PCM1: variants seen among roughly 807,000 people sequenced by gnomAD.
The protein encoded by PCM1 is pericentriolar material 1, also known as pericentriolar material 1 protein.
A neutral mutation model predicts 241.9 loss-of-function variants in PCM1; 157 were observed. That is an observed-to-expected ratio of 0.65 (90% CI 0.57 to 0.74). The LOEUF (loss-of-function observed/expected upper bound fraction) is 0.74. Among genes scored for constraint, PCM1 ranks in the 30% least tolerant of loss-of-function variants. The probability of loss-of-function intolerance (pLI) is 0.00; values close to 1 mark genes in which losing one functional copy is unlikely to be tolerated. For missense variants in PCM1, 3,478 were observed against 2,360.1 expected (o/e 1.47, Z -9.81); for synonymous variants, 1,085 against 784.9 (o/e 1.38, Z -6.39).
Position 18,029,524 on chromosome 8 carries a change from A to AAAT in PCM1, c.*1863_*1865dup, listed in dbSNP as rs2094410556. The AAAT allele has an allele frequency of 4.7e-6, 1 of 212,758 alleles. No individual in the cohort carries two copies. The highest frequency in any genetic ancestry group is 9.5e-6 in the Non-Finnish European group (1 of 104,980). The allele number at this position is 212,758 out of a possible 1,614,324, so 13.2% of individuals were successfully genotyped here. On this transcript the variant is annotated 3_prime_UTR_variant, in exon 39 of 39. Coordinates refer to ENST00000325083, the MANE Select transcript of PCM1 (RefSeq NM_006197.4). ...TGTCTGCATGCATATTAAAGTGGAA[A>AAAT]AATTGTATTTATATCTTAGTTATTA...
At position 18,014,454 on chromosome 8, in the gene PCM1, T is replaced by C. The variant is rs531682906; in HGVS notation, c.5585-130T>C. 85 of 645,322 alleles carry C rather than the reference T, an allele frequency of 1.3e-4. 1 individual carries two copies. In the South Asian group the frequency reaches 3.8e-3, roughly 29 times the overall value. 40.0% of individuals were successfully genotyped at this position (645,322 alleles called of 1,614,324 possible). A position where few individuals can be genotyped will look rare whatever the true frequency, so the allele number is the denominator to read the frequency against. On this transcript the variant is annotated intron_variant, in intron 35 of 38. Transcript: ENST00000325083. ...GGGAACCATTGATAAGGAAAATTTGTAGTTGCCTTTTCTTTTTGGTCTTAA... is the reference window on the plus strand; with the variant it reads ...GGGAACCATTGATAAGGAAAATTTGCAGTTGCCTTTTCTTTTTGGTCTTAA...
At chr8:18,012,948 C>G (rs1016296840) in intron 34 of PCM1, among the ~76,000 whole-genome samples, 1 of 152,054 alleles carries the variant, frequency 6.6e-6, no homozygotes, top group African/African-American at 2.4e-5. Context: ...GAAGCATTAC[C>G]TTCCGTTTTC....
intron 29 of PCM1, among the ~76,000 whole-genome samples, chr8:17,998,524 T>G (rs963967336): frequency 1.8e-4 from 27 of 152,326 alleles, no homozygotes; most frequent in African/African-American, 5.8e-4. Context: ...ATGGAATCTC[T>G]GTGTTGAAAT....
At chr8:17,996,712 T>C (rs969659820) in intron 29 of PCM1, among the ~76,000 whole-genome samples, 1 of 152,214 alleles carries the variant, frequency 6.6e-6, no homozygotes, top group Non-Finnish European at 1.5e-5. Flanking sequence ...CAGGTTACCA[T>C]GAGGATTGCA....
intron 21 of PCM1, 132 bp from the exon 22 acceptor site, chr8:17,969,443 CTT>C: frequency 6.6e-6 from 4 of 606,004 alleles, no homozygotes; most frequent in Non-Finnish European, 5.4e-6. Context: ...TAAATATTAG[CTT>C]TTTTTTTTAA....
chr8:18,024,927 A>G (rs1234839843), intron 36 of PCM1: 1 of 153,044 alleles, frequency 6.5e-6, no homozygotes, highest in Non-Finnish European at 1.5e-5. Flanking sequence ...GTTTAAGGTG[A>G]TCACAAAAGA....
chr8:18,005,489 C>G (rs756057475), intron 29 of PCM1, among the ~76,000 whole-genome samples: 10 of 151,438 alleles, frequency 6.6e-5, no homozygotes, highest in Non-Finnish European at 1.3e-4. Context: ...GGGGACTGAA[C>G]TGAGAAAAGG....
intron 5 of PCM1, 64 bp downstream of exon 5, chr8:17,939,073 T>G (rs549050672): frequency 1.3e-6 from 2 of 1,542,862 alleles, no homozygotes; most frequent in African/African-American, 1.4e-5. Context: ...CAGTAAGGTT[T>G]AGAAAATTAG....
intron 6 of PCM1, among the ~76,000 whole-genome samples, chr8:17,941,094 A>T (rs1313509471): frequency 6.6e-6 from 1 of 152,154 alleles, no homozygotes; most frequent in East Asian, 1.9e-4. Context: ...CATTATTTTC[A>T]ACAGGAGATA....
rs60355433 is a variant in PCM1 at position 17,974,857 on chromosome 8, GCACACACA to G, written c.3943+2199_3943+2206del. ...CTGTCAGTGAGTGCCCCACTTTAAG[GCACACACA>G]CACACACACACACACACACACACAC... On this transcript the variant is annotated intron_variant, in intron 23 of 38. Coordinates refer to ENST00000325083, the MANE Select transcript of PCM1 (RefSeq NM_006197.4). 1.2e-3 allele frequency among the ~76,000 whole-genome samples: 166 copies of G among 133,380 alleles called. 1 individual carries two copies. The highest frequency in any genetic ancestry group is 7.6e-3 in the South Asian group (28 of 3,702). The allele number at this position is 133,380 out of a possible 152,430, so 87.5% of individuals were successfully genotyped here. A position where few individuals can be genotyped will look rare whatever the true frequency, so the allele number is the denominator to read the frequency against.
chr8:18,014,492 C>G lies in PCM1; in HGVS notation c.5585-92C>G, dbSNP rs556729711. ...TTTTTGGTCTTAAATATCTTGATTG[C>G]TCTTATTCAGGCGTATTGTCTTTAT... On this transcript the variant is annotated intron_variant, in intron 35 of 38. Transcript: ENST00000325083. 2.3e-5 allele frequency: 23 copies of G among 982,404 alleles called. No homozygotes were observed. In the African/African-American group the frequency reaches 3.4e-4, roughly 15 times the overall value. 60.9% of individuals were successfully genotyped at this position (982,404 alleles called of 1,614,324 possible). A position where few individuals can be genotyped will look rare whatever the true frequency, so the allele number is the denominator to read the frequency against.
chr8:17,956,850 T>A, intron 11 of PCM1, 73 bp downstream of exon 11: 1 of 1,181,404 alleles, frequency 8.5e-7, no homozygotes, highest in Non-Finnish European at 1.2e-6. Flanking sequence ...GGAACAAAAA[T>A]ACTTCGTTGT....
chr8:17,996,308 C>A (rs1380831886), intron 29 of PCM1, among the ~76,000 whole-genome samples: 1 of 152,046 alleles, frequency 6.6e-6, no homozygotes, highest in Non-Finnish European at 1.5e-5. Context: ...GGGTTTTGTC[C>A]TTCATTCTGT....
Position 18,014,653 on chromosome 8 carries a change from G to T in PCM1, c.5654G>T (p.Ser1885Ile). Reference protein sequence around the residue: ...NILEDEQPLNSAAHKESPPTV... With the variant: ...NILEDEQPLNIAAHKESPPTV... Reference sequence around the variant, plus strand: ...TTGGAAGATGAGCAACCTTTAAATAGTGCTGCCCATAAGGAGTCACCTCCT... The same window carrying T: ...TTGGAAGATGAGCAACCTTTAAATATTGCTGCCCATAAGGAGTCACCTCCT... Residue 1885 changes from serine (S) to isoleucine (I), a missense_variant, in exon 36 of 39, where the codon AGT (serine) becomes ATT (isoleucine). Physicochemically the swap from Ser to Ile is moderately radical, Grantham distance 142. Transcript: ENST00000325083. The T allele has an allele frequency of 6.2e-7, 1 of 1,613,510 alleles. No homozygotes were observed. Among genetic ancestry groups the T allele is most frequent in the South Asian group, 1.1e-5 (1 of 91,052 alleles).
intron 9 of PCM1, among the ~76,000 whole-genome samples, chr8:17,954,425 C>A (rs1035163547): frequency 7.9e-6 from 1 of 126,432 alleles, no homozygotes; most frequent in African/African-American, 3.3e-5. Context: ...GAAACTCCAT[C>A]TCAAAAAAAA....
intron 2 of PCM1, chr8:17,926,284 A>T (rs900191861): frequency 6.6e-6 from 1 of 152,104 alleles, no homozygotes; most frequent in Non-Finnish European, 1.5e-5. Context: ...TTTTTTTCTG[A>T]AGGAGGAAAG....
chr8:17,974,857 GCACACACACA>G (rs60355433), intron 23 of PCM1, among the ~76,000 whole-genome samples: 14 of 133,378 alleles, frequency 1.0e-4, no homozygotes, highest in Middle Eastern at 4.0e-3. Flanking sequence ...CCACTTTAAG[GCACACACACA>G]CACACACACA....
chr8:18,025,487 CA>C, intron 37 of PCM1, 34 bp downstream of exon 37: 1 of 1,514,416 alleles, frequency 6.6e-7, no homozygotes, highest in Non-Finnish European at 9.1e-7. Flanking sequence ...CTTGTCTTTA[CA>C]TAACAAATAC....
Position 17,985,438 on chromosome 8 carries a change from G to A in PCM1, c.4109-9G>A. ...CAATATTAACTTTCTGGTCTTTTAT[G>A]TATTCCAGAAACTGGGAGTGATTTT... On this transcript the variant is annotated splice_polypyrimidine_tract_variant and intron_variant, in intron 24 of 38. Coordinates refer to ENST00000325083, the MANE Select transcript of PCM1 (RefSeq NM_006197.4). 7 of 1,541,510 alleles carry A rather than the reference G, an allele frequency of 4.5e-6. No homozygotes were observed. Among genetic ancestry groups the A allele is most frequent in the African/African-American group, 1.4e-5 (1 of 72,798 alleles).
Sources: allele counts gnomAD v4.1 joint callset (sites outside exome capture counted in the v4.1 genomes callset), GRCh38; gene constraint gnomAD v4.1.1; transcripts MANE v1.5; gene names NCBI Gene and HGNC (gene_info 2026-07-23, HGNC 2026-07-21).